Variants in LAPTM4A observed in about 807,000 individuals in gnomAD.
The protein encoded by LAPTM4A is lysosomal-associated transmembrane protein 4A.
A neutral mutation model predicts 29.9 loss-of-function variants in LAPTM4A; 19 were observed. That is an observed-to-expected ratio of 0.64 (90% CI 0.44 to 0.93). The LOEUF is 0.93. Ranked by LOEUF, LAPTM4A falls within the 40% of genes least tolerant of loss-of-function variation. The probability of loss-of-function intolerance (pLI) is 0.00; values close to 1 mark genes in which losing one functional copy is unlikely to be tolerated. For missense variants in LAPTM4A, 293 were observed against 288.5 expected (o/e 1.02, Z -0.11); for synonymous variants, 105 against 102.1 (o/e 1.03, Z -0.17).
intron 1 of LAPTM4A, among the ~76,000 whole-genome samples, chr2:20,048,466 C>T (rs544519601): frequency 6.6e-6 from 1 of 152,268 alleles, no homozygotes; most frequent in East Asian, 1.9e-4. Flanking sequence ...TCTCTATGTC[C>T]CACAGCACTA....
At chr2:20,038,447 A>G (rs1342762685) in intron 2 of LAPTM4A, among the ~76,000 whole-genome samples, 1 of 152,128 alleles carries the variant, frequency 6.6e-6, no homozygotes, top group East Asian at 1.9e-4. Flanking sequence ...TTTTCCTGAG[A>G]CAGAGTCTTG....
chr2:20,040,948 C>T lies in LAPTM4A; in HGVS notation c.175G>A (p.Ala59Thr). 1 of 1,613,356 alleles carries T rather than the reference C, an allele frequency of 6.2e-7. No individual in the cohort carries two copies. Among genetic ancestry groups the T allele is most frequent in the Non-Finnish European group, 8.5e-7 (1 of 1,179,284 alleles). Reference protein sequence around the residue: ...VEVTHPNSMPAVNIQYEVIGN... With the variant: ...VEVTHPNSMPTVNIQYEVIGN... The stretch of plus-strand genomic sequence containing the variant: ...ATGACTTCATACTGAATGTTGACAG[C>T]TGGCATGGAGTTTGGATGAGTCACT... The change falls in exon 2 of 7, where the codon GCT becomes ACT. Residue 59 changes from alanine (A) to threonine (T), a missense_variant. Transcript: ENST00000175091.
intron 2 of LAPTM4A, among the ~76,000 whole-genome samples, chr2:20,039,724 T>C (rs1558384949): frequency 6.6e-6 from 1 of 151,884 alleles, no homozygotes; most frequent in Non-Finnish European, 1.5e-5. Context: ...TAAAAAACTT[T>C]TTTTAAACAA....
At chr2:20,041,573 T>C (rs1673802284) in intron 1 of LAPTM4A, among the ~76,000 whole-genome samples, 1 of 152,158 alleles carries the variant, frequency 6.6e-6, no homozygotes, top group Non-Finnish European at 1.5e-5. Context: ...TCTCACTCTA[T>C]TGCCCAGGGT....
intron 2 of LAPTM4A, among the ~76,000 whole-genome samples, chr2:20,037,947 T>A (rs1673715815): frequency 1.3e-5 from 2 of 152,082 alleles, no homozygotes; most frequent in Admixed American, 6.6e-5. Flanking sequence ...TGCAAACAGA[T>A]CATTATAATC....
chr2:20,051,319 A>ACACC, intron 1 of LAPTM4A, 91 bp downstream of exon 1: 1 of 302,086 alleles, frequency 3.3e-6, no homozygotes, highest in Non-Finnish European at 6.4e-6. Flanking sequence ...TCCCCGCCCC[A>ACACC]CCCAACACCC....
At chr2:20,045,538 A>G (rs1265827029) in intron 1 of LAPTM4A, among the ~76,000 whole-genome samples, 1 of 152,176 alleles carries the variant, frequency 6.6e-6, no homozygotes, top group African/African-American at 2.4e-5. Flanking sequence ...ATGCAGCAAT[A>G]TTTTAGCAGC....
intron 2 of LAPTM4A, 50 bp from the exon 3 acceptor site, chr2:20,037,664 GAAC>G: frequency 8.7e-7 from 1 of 1,151,166 alleles, no homozygotes; most frequent in African/African-American, 1.6e-5. Flanking sequence ...ACAACAAAAA[GAAC>G]AAAACTTCAC....
chr2:20,038,839 A>C (rs958103482), intron 2 of LAPTM4A, among the ~76,000 whole-genome samples: 1 of 152,244 alleles, frequency 6.6e-6, no homozygotes, highest in African/African-American at 2.4e-5. Context: ...AAATGAAAAA[A>C]GAAAAAAAAT....
rs1420390668 is a variant in LAPTM4A, at chr2:20,034,826, C to T, written c.528+141G>A. ...CACAACAGAAACCATTCCCTAGAAG[C>T]TATCTCTGCTCATGTGCCAGAATAA... On this transcript the variant is annotated intron_variant, in intron 5 of 6. Transcript: ENST00000175091. 8 of 651,670 alleles carry T rather than the reference C, an allele frequency of 1.2e-5. 1 individual carries two copies. Among genetic ancestry groups the T allele is most frequent in the South Asian group, 9.4e-5 (5 of 53,014 alleles). 40.4% of individuals were successfully genotyped at this position (651,670 alleles called of 1,614,324 possible).
intron 1 of LAPTM4A, among the ~76,000 whole-genome samples, chr2:20,049,320 G>C (rs1295179913): frequency 1.3e-5 from 2 of 152,182 alleles, no homozygotes; most frequent in East Asian, 3.8e-4. Context: ...GATTTAAGAA[G>C]TTTACAATAA....
intron 2 of LAPTM4A, among the ~76,000 whole-genome samples, chr2:20,038,513 C>T (rs1043716703): frequency 2.0e-5 from 3 of 152,074 alleles, no homozygotes; most frequent in South Asian, 4.1e-4. Context: ...GCAACCTCAA[C>T]CTCCCAGGTT....
intron 4 of LAPTM4A, chr2:20,035,303 C>T (rs1283050541): frequency 4.4e-6 from 2 of 449,778 alleles, no homozygotes; most frequent in African/African-American, 4.0e-5. Context: ...CTAAATTTAG[C>T]TCGTTTTCTC....
chr2:20,043,476 A>G (rs1181829411), intron 1 of LAPTM4A, among the ~76,000 whole-genome samples: 1 of 152,146 alleles, frequency 6.6e-6, no homozygotes, highest in African/African-American at 2.4e-5. Flanking sequence ...TTGGCCTCCC[A>G]AAGTGCTGGG....
chr2:20,035,955 T>A (rs1263259122), intron 4 of LAPTM4A, among the ~76,000 whole-genome samples: 2 of 150,988 alleles, frequency 1.3e-5, no homozygotes, highest in Non-Finnish European at 3.0e-5. Context: ...AAAAAAAAAA[T>A]TTTAAGAACA....
intron 1 of LAPTM4A, among the ~76,000 whole-genome samples, chr2:20,046,331 T>C (rs547720354): frequency 6.6e-6 from 1 of 152,164 alleles, no homozygotes; most frequent in African/African-American, 2.4e-5. Flanking sequence ...ACATGTACCC[T>C]AGAACTTACA....
chr2:20,049,286 TAATC>T (rs1373375299), intron 1 of LAPTM4A, among the ~76,000 whole-genome samples: 2 of 152,350 alleles, frequency 1.3e-5, no homozygotes, highest in East Asian at 1.9e-4. Context: ...GTAAATCTCT[TAATC>T]AATTTAAGAC....
At position 20,041,013 on chromosome 2, in the gene LAPTM4A, T is replaced by C; in HGVS notation, c.112-2A>G. The stretch of plus-strand genomic sequence containing the variant: ...AATTGCCATCAATAGGTTTACTACC[T>C]GGAAAAGATAACATTCTATCAGTTA... On this transcript the variant is annotated splice_acceptor_variant, in intron 1 of 6. Coordinates refer to ENST00000175091, the MANE Select transcript of LAPTM4A (RefSeq NM_014713.5). LOFTEE classifies it high-confidence loss of function. 6.8e-6 allele frequency: 11 copies of C among 1,613,666 alleles called. No homozygotes were observed. Among genetic ancestry groups the C allele is most frequent in the Non-Finnish European group, 9.3e-6 (11 of 1,179,662 alleles).
intron 4 of LAPTM4A, among the ~76,000 whole-genome samples, chr2:20,036,226 C>T (rs183510011): frequency 6.8e-6 from 1 of 146,606 alleles, no homozygotes; most frequent in Non-Finnish European, 1.5e-5. Flanking sequence ...CCAGGCTTCC[C>T]CACCCTCCCT....
Sources: allele counts gnomAD v4.1 joint callset (sites outside exome capture counted in the v4.1 genomes callset), GRCh38; gene constraint gnomAD v4.1.1; transcripts MANE v1.5; gene names NCBI Gene and HGNC (gene_info 2026-07-23, HGNC 2026-07-21).